Variants in LIPA observed in about 807,000 individuals in gnomAD.
The protein encoded by LIPA is lysosomal acid lipase/cholesteryl ester hydrolase.
Under a neutral mutation model 40.6 loss-of-function variants are expected in LIPA, and 26 were observed. The observed-to-expected ratio is 0.64, with a 90% CI of 0.47 to 0.89. The LOEUF is 0.89. LIPA is among the 40% of genes least tolerant of loss of function. The probability of loss-of-function intolerance (pLI) is 0.00; values close to 1 mark genes in which losing one functional copy is unlikely to be tolerated. For synonymous variants in LIPA, 188 were observed against 168.4 expected, an observed-to-expected ratio of 1.12 and a Z score of -0.90; for missense variants, 455 against 479.6, an observed-to-expected ratio of 0.95 and a Z score of 0.48.
At chr10:89,414,678 A>G (rs1240998450), upstream of LIPA, 3 of 1,210,768 alleles carry the variant, frequency 2.5e-6, no homozygotes, top group Non-Finnish European at 3.3e-6. Flanking sequence ...GGGGCTGCAG[A>G]GGCCTGGCGC....
chr10:89,371,378 C>T (rs1477578168), intron 2 of LIPA, among the ~76,000 whole-genome samples: 1 of 152,232 alleles, frequency 6.6e-6, no homozygotes, highest in African/African-American at 2.4e-5. Context: ...AGAACTATAA[C>T]TCTTTATTTG....
upstream of LIPA, among the ~76,000 whole-genome samples, chr10:89,345,032 T>C (rs1332702559): frequency 6.6e-6 from 1 of 151,348 alleles, no homozygotes; most frequent in African/African-American, 2.4e-5. Flanking sequence ...CAAGGCATAG[T>C]GGCGGGCATC....
intron 1 of LIPA, among the ~76,000 whole-genome samples, chr10:89,267,212 A>C (rs1459337298): frequency 6.6e-6 from 1 of 152,180 alleles, no homozygotes; most frequent in Non-Finnish European, 1.5e-5. Flanking sequence ...AAGACAGCTG[A>C]TTTGCAAACA....
At chr10:89,381,537 T>A (rs990074272) in intron 2 of LIPA, among the ~76,000 whole-genome samples, 1 of 151,494 alleles carries the variant, frequency 6.6e-6, no homozygotes, top group Non-Finnish European at 1.5e-5. Context: ...AGGACTCTCA[T>A]ATTCCACAGA....
intron 3 of LIPA, among the ~76,000 whole-genome samples, chr10:89,232,203 T>C (rs993219361): frequency 6.6e-6 from 1 of 152,248 alleles, no homozygotes; most frequent in Non-Finnish European, 1.5e-5. Flanking sequence ...GACCGGGCGC[T>C]GTACGATGCA....
At chr10:89,330,293 T>C (rs777320139) in intron 1 of LIPA, among the ~76,000 whole-genome samples, 2 of 152,158 alleles carry the variant, frequency 1.3e-5, no homozygotes, top group African/African-American at 4.8e-5. Flanking sequence ...ATGACCAAAA[T>C]GGGGCTTAGA....
intron 2 of LIPA, chr10:89,403,200 C>T (rs779409360): frequency 6.2e-7 from 1 of 1,614,070 alleles, no homozygotes; most frequent in East Asian, 2.2e-5. Context: ...TACAAAAGGG[C>T]AGCCTAGAGG....
intron 1 of LIPA, among the ~76,000 whole-genome samples, chr10:89,270,540 T>C (rs1843260472): frequency 6.6e-6 from 1 of 152,240 alleles, no homozygotes; most frequent in Non-Finnish European, 1.5e-5. Flanking sequence ...ATATGAAGGA[T>C]ACATTTCTGT....
At chr10:89,297,892 A>AC (rs1179945985) in intron 1 of LIPA, among the ~76,000 whole-genome samples, 1 of 152,096 alleles carries the variant, frequency 6.6e-6, no homozygotes, top group Non-Finnish European at 1.5e-5. Context: ...TGGTGACTGC[A>AC]CCCCCACTGG....
chr10:89,242,586 C>CAGTCAGTCCA (rs1273668668), intron 3 of LIPA, among the ~76,000 whole-genome samples: 8 of 152,328 alleles, frequency 5.3e-5, no homozygotes, highest in African/African-American at 1.9e-4. Context: ...TGAGGCTACA[C>CAGTCAGTCCA]AGTCAGTCAA....
chr10:89,347,311 C>G (rs766804529), upstream of LIPA, among the ~76,000 whole-genome samples: 6 of 152,196 alleles, frequency 3.9e-5, no homozygotes, highest in Non-Finnish European at 7.3e-5. Context: ...GGGGACTGAT[C>G]ATGTATGCAC....
intron 1 of LIPA, among the ~76,000 whole-genome samples, chr10:89,279,379 G>A (rs766096405): frequency 2.0e-5 from 3 of 152,212 alleles, no homozygotes; most frequent in Non-Finnish European, 4.4e-5. Context: ...TAAATGAAGA[G>A]TGTGAGGGAG....
intron 2 of LIPA, among the ~76,000 whole-genome samples, chr10:89,401,054 A>G (rs139097699): frequency 9.8e-4 from 149 of 151,376 alleles, no homozygotes; most frequent in African/African-American, 3.6e-3. Context: ...TTAATGTGGT[A>G]TATTACATTG....
chr10:89,223,213 T>C (rs1382216533), intron 7 of LIPA, among the ~76,000 whole-genome samples: 1 of 152,140 alleles, frequency 6.6e-6, no homozygotes, highest in African/African-American at 2.4e-5. Flanking sequence ...GCAGGTTTGT[T>C]ACAAGGGTGG....
chr10:89,340,101 C>G (rs1249963513), intron 1 of LIPA: 1 of 1,607,396 alleles, frequency 6.2e-7, no homozygotes, highest in African/African-American at 1.3e-5. Flanking sequence ...CCAGAGAGCT[C>G]CTCTCTAACT....
At chr10:89,359,917 C>T (rs183017205) in intron 2 of LIPA, among the ~76,000 whole-genome samples, 2 of 152,184 alleles carry the variant, frequency 1.3e-5, no homozygotes, top group Admixed American at 1.3e-4. Flanking sequence ...TGGTAATTAG[C>T]TCACTCTGCC....
chr10:89,233,820 C>T (rs543283581), intron 3 of LIPA, among the ~76,000 whole-genome samples: 3 of 152,256 alleles, frequency 2.0e-5, no homozygotes, highest in African/African-American at 7.2e-5. Flanking sequence ...CAGCCAAGAT[C>T]GCACCACTGG....
intron 3 of LIPA, among the ~76,000 whole-genome samples, chr10:89,244,532 A>T (rs1347752347): frequency 6.6e-6 from 1 of 152,170 alleles, no homozygotes; most frequent in African/African-American, 2.4e-5. Context: ...CAGTGAGCCA[A>T]GATTGCACCA....
chr10:89,403,703 A>C (rs1844481392), intron 2 of LIPA: 6 of 1,554,436 alleles, frequency 3.9e-6, no homozygotes, highest in Non-Finnish European at 5.2e-6. Flanking sequence ...CTGTGAGACA[A>C]GGTCCTTAGG....
Sources: gnomAD v4.1 joint callset for allele counts (sites outside exome capture counted in the v4.1 genomes callset) on GRCh38, gnomAD v4.1.1 for gene constraint, MANE v1.5 for transcripts, NCBI Gene and HGNC (gene_info 2026-07-23, HGNC 2026-07-21) for gene names.